The following MYOF variants were observed in gnomAD, a reference collection of about 807,000 sequenced individuals.
MYOF encodes myoferlin.
Under a neutral mutation model 284.2 loss-of-function variants are expected in MYOF, and 244 were observed. The ratio of observed to expected loss-of-function variants is 0.86; its 90% CI spans 0.77 to 0.95. The LOEUF (loss-of-function observed/expected upper bound fraction) is 0.95. Among genes scored for constraint, MYOF ranks in the 40% least tolerant of loss-of-function variants. MYOF has a pLI of 0.00. For missense variants in MYOF, 2,496 were observed against 2,560.6 expected (o/e 0.97, Z 0.54); for synonymous variants, 904 against 919.7 (o/e 0.98, Z 0.31).
chr10:93,384,966 G>A (rs907570851), intron 19 of MYOF, among the ~76,000 whole-genome samples: 2 of 152,198 alleles, frequency 1.3e-5, no homozygotes, highest in African/African-American at 2.4e-5. Flanking sequence ...ATACCTGATG[G>A]AGCAGCTGGA....
intron 19 of MYOF, among the ~76,000 whole-genome samples, chr10:93,382,787 C>G (rs577339507): frequency 1.7e-4 from 26 of 152,326 alleles, no homozygotes; most frequent in Admixed American, 2.6e-4. Flanking sequence ...TTCATTATGT[C>G]CCGTGCATTC....
At chr10:93,315,410 G>A (rs569849229) in intron 50 of MYOF, among the ~76,000 whole-genome samples, 2 of 152,258 alleles carry the variant, frequency 1.3e-5, no homozygotes, top group Non-Finnish European at 2.9e-5. Flanking sequence ...AGTGGCTGGC[G>A]GGGCGTGGGG....
intron 1 of MYOF, among the ~76,000 whole-genome samples, chr10:93,469,845 G>A (rs189613403): frequency 6.6e-6 from 1 of 152,252 alleles, no homozygotes; most frequent in East Asian, 1.9e-4. Flanking sequence ...CTTGAGTGAG[G>A]CATTTCACCC....
At chr10:93,342,004 T>C in intron 38 of MYOF, 1 of 1,273,188 alleles carries the variant, frequency 7.9e-7, no homozygotes, top group South Asian at 1.2e-5. Context: ...GATGGCCATG[T>C]ACACATGTCC....
At chr10:93,340,114 C>T in intron 39 of MYOF, 39 bp downstream of exon 39, 1 of 1,610,552 alleles carries the variant, frequency 6.2e-7, no homozygotes, top group Non-Finnish European at 8.5e-7. Flanking sequence ...GCAGAAAATA[C>T]ATGAATCTTA....
chr10:93,373,040 C>T lies in MYOF; in HGVS notation c.2347G>A (p.Glu783Lys). ...ATTCGTGCATAGGCCAGTCTCTTCT[C>T]TCCCCGGATCATCCAGATGATGATG... Reference protein sequence around the residue: ...PDIIIWMIRGEKRLAYARIPA... With the variant: ...PDIIIWMIRGKKRLAYARIPA... The change falls in exon 24 of 54, where the codon GAG becomes AAG. Residue 783 changes from glutamate (E) to lysine (K), a missense_variant. This residue lies in a region of MYOF where 2,436 missense variants were observed against 2,480.7 expected (regional missense o/e 0.98). Coordinates refer to ENST00000359263, the MANE Select transcript of MYOF (RefSeq NM_013451.4). 6.2e-7 allele frequency: 1 copy of T among 1,614,178 alleles called. No individual in the cohort carries two copies.
At chr10:93,430,857 C>A (rs1197455945) in intron 4 of MYOF, among the ~76,000 whole-genome samples, 1 of 151,926 alleles carries the variant, frequency 6.6e-6, no homozygotes, top group Non-Finnish European at 1.5e-5. Context: ...TGCAAACGGG[C>A]CCAGTTTTTT....
Position 93,335,830 on chromosome 10 carries a change from G to A in MYOF, c.4563+91C>T, listed in dbSNP as rs532661046. The A allele has an allele frequency of 8.6e-5, 126 of 1,462,492 alleles. 1 individual carries two copies. In the African/African-American group the frequency reaches 1.7e-3, roughly 20 times the overall value. The allele number at this position is 1,462,492 out of a possible 1,614,324, so 90.6% of individuals were successfully genotyped here. ...GCATCCCTCAGAGGCTGCAGGATGT[G>A]CCCCTCCCTAGAGCCTGGTTGTCCT... is the stretch of plus-strand genomic sequence containing the variant. On this transcript the variant is annotated intron_variant, in intron 41 of 53. Coordinates refer to ENST00000359263, the MANE Select transcript of MYOF (RefSeq NM_013451.4).
intron 25 of MYOF, among the ~76,000 whole-genome samples, chr10:93,367,934 C>T (rs554633059): frequency 1.2e-3 from 180 of 152,122 alleles, no homozygotes; most frequent in Middle Eastern, 6.8e-3. Context: ...AGGTGAGTCA[C>T]ACAGAACAAC....
At chr10:93,333,367 A>C in intron 42 of MYOF, 55 bp from the exon 43 acceptor site, 2 of 1,477,618 alleles carry the variant, frequency 1.4e-6, no homozygotes, top group Non-Finnish European at 1.9e-6. Context: ...AGGTGAAGTC[A>C]AGTTCAGGGA....
At chr10:93,457,525 T>C (rs2056771827) in intron 1 of MYOF, among the ~76,000 whole-genome samples, 1 of 152,202 alleles carries the variant, frequency 6.6e-6, no homozygotes, top group South Asian at 2.1e-4. Flanking sequence ...CCACCTTTTC[T>C]GAAGACACAA....
chr10:93,478,664 C>T (rs998410888), intron 1 of MYOF, among the ~76,000 whole-genome samples: 1 of 85,076 alleles, frequency 1.2e-5, no homozygotes, highest in East Asian at 2.1e-4. Context: ...GGCCCTGTCT[C>T]TACAAAAAAA....
At chr10:93,329,636 T>C in intron 44 of MYOF, 28 bp downstream of exon 44, 1 of 1,611,780 alleles carries the variant, frequency 6.2e-7, no homozygotes, top group South Asian at 1.1e-5. Context: ...GGCAGCAAAG[T>C]GCCTCTTGTA....
intron 52 of MYOF, 122 bp from the exon 53 acceptor site, chr10:93,310,289 C>T (rs1589367250): frequency 7.8e-7 from 1 of 1,274,218 alleles, no homozygotes; most frequent in African/African-American, 1.5e-5. Flanking sequence ...AAATACTGTT[C>T]CCCTTCGTTG....
chr10:93,472,393 C>G (rs11187445), intron 1 of MYOF, among the ~76,000 whole-genome samples: 26,285 of 152,176 alleles, frequency 0.17, 2,602 homozygotes, highest in East Asian at 0.5. Flanking sequence ...AATCCCAGCA[C>G]TTTGGGAGGC....
intron 49 of MYOF, among the ~76,000 whole-genome samples, chr10:93,318,291 C>T (rs1842704666): frequency 1.3e-5 from 2 of 152,038 alleles, no homozygotes; most frequent in South Asian, 4.2e-4. Context: ...CATGGTGATG[C>T]ATGCCTATAG....
intron 19 of MYOF, among the ~76,000 whole-genome samples, chr10:93,382,657 C>T (rs1489661708): frequency 6.6e-6 from 1 of 152,156 alleles, no homozygotes. Context: ...GAATCCATAT[C>T]CTGCCCCAAA....
chr10:93,387,743 G>T, intron 19 of MYOF, 54 bp downstream of exon 19: 1 of 1,484,906 alleles, frequency 6.7e-7, no homozygotes, highest in Non-Finnish European at 9.4e-7. Flanking sequence ...TACCCCTTCA[G>T]TCCCTGGAGG....
chr10:93,366,249 T>C (rs979603488), intron 26 of MYOF, 143 bp downstream of exon 26: 4 of 875,262 alleles, frequency 4.6e-6, no homozygotes, highest in East Asian at 2.6e-5. Flanking sequence ...CTTTCAACTT[T>C]CTACAAATTT....
Sources: gnomAD v4.1 joint callset for allele counts (sites outside exome capture counted in the v4.1 genomes callset) on GRCh38, gnomAD v4.1.1 for gene constraint, gnomAD v4.1.1 regional missense constraint, MANE v1.5 for transcripts, NCBI Gene and HGNC (gene_info 2026-07-23, HGNC 2026-07-21) for gene names.